Variants in FOXM1 observed in about 807,000 individuals in gnomAD.
FOXM1 encodes forkhead box M1, also known as forkhead box protein M1.
Under a neutral mutation model 63.6 loss-of-function variants are expected in FOXM1, and 25 were observed. The ratio of observed to expected loss-of-function variants is 0.39; its 90% CI spans 0.29 to 0.55. FOXM1 has a LOEUF of 0.55. Among genes scored for constraint, FOXM1 ranks in the 20% least tolerant of loss-of-function variants. FOXM1 has a pLI of 0.60. For missense variants in FOXM1, 879 were observed against 958.7 expected (o/e 0.92, Z 1.10); for synonymous variants, 387 against 376.9 (o/e 1.03, Z -0.31).
chr12:2,862,912 A>C (rs896932964), intron 8 of FOXM1, among the ~76,000 whole-genome samples: 4 of 151,988 alleles, frequency 2.6e-5, no homozygotes, highest in Non-Finnish European at 2.9e-5. Context: ...TGCTATTTTC[A>C]TCTCTCTGAA....
chr12:2,860,128 A>G (rs1014255588), intron 8 of FOXM1, among the ~76,000 whole-genome samples: 4 of 152,226 alleles, frequency 2.6e-5, no homozygotes, highest in Admixed American at 6.5e-5. Flanking sequence ...TTCTTAACCA[A>G]GACTGGAAAC....
At chr12:2,867,398 G>A (rs888155873) in intron 4 of FOXM1, among the ~76,000 whole-genome samples, 1 of 152,128 alleles carries the variant, frequency 6.6e-6, no homozygotes, top group Non-Finnish European at 1.5e-5. Flanking sequence ...CCAGGGGGCT[G>A]AGGCTGCACT....
At position 2,867,121 on chromosome 12, in the gene FOXM1, C is replaced by A. The variant is rs1050568544; in HGVS notation, c.847-600G>T. On this transcript the variant is annotated intron_variant, in intron 4 of 8. Coordinates refer to ENST00000359843, the MANE Select transcript of FOXM1 (RefSeq NM_021953.4). ...TTAGCCAAGATCATGTCACTGCACT[C>A]CAGCCTGGGTGACAGAGTGAGGCCC... is the stretch of plus-strand genomic sequence containing the variant. 5.3e-5 allele frequency among the ~76,000 whole-genome samples: 8 copies of A among 152,000 alleles called. No homozygotes were observed. In the East Asian group the frequency reaches 1.5e-3, roughly 29 times the overall value.
At position 2,859,521 on chromosome 12, in the gene FOXM1, A is replaced by G. The variant is rs1444956489; in HGVS notation, c.1409T>C (p.Met470Thr). The change falls in exon 9 of 9, where the codon ATG becomes ACG. Residue 470 changes from methionine (M) to threonine (T), a missense_variant. Transcript: ENST00000359843. ...KEEEIQPGEE[M>T]PHLARPIKVE... is the part of the protein sequence containing the mutation. ...TTTGATGGGTCTCGCTAAGTGTGGC[A>G]TTTCCTCCCCAGGCTGGATTTCTTC... The G allele has an allele frequency of 2.5e-6, 4 of 1,613,942 alleles. No individual in the cohort carries two copies. The highest frequency in any genetic ancestry group is 1.3e-5 in the African/African-American group (1 of 74,914).
intron 8 of FOXM1, among the ~76,000 whole-genome samples, chr12:2,862,039 C>T (rs768496630): frequency 8.5e-5 from 13 of 152,054 alleles, no homozygotes; most frequent in South Asian, 6.2e-4. Context: ...ATTAGCTGGG[C>T]GTGGTGACGT....
In FOXM1 at chr12:2,858,535, G is replaced by C. The variant is rs71583732; in HGVS notation, c.*103C>G. The C allele has an allele frequency of 3.4e-4, 348 of 1,009,202 alleles. No individual in the cohort carries two copies. The highest frequency in any genetic ancestry group is 4.5e-4 in the Non-Finnish European group (315 of 692,744). 62.5% of individuals were successfully genotyped at this position (1,009,202 alleles called of 1,614,324 possible). A position where few individuals can be genotyped will look rare whatever the true frequency, so the allele number is the denominator to read the frequency against. The stretch of plus-strand genomic sequence containing the variant: ...AGGCAGCAGGGAGCTATGAGGAGCA[G>C]AACAGTCCCTGCCTGCTGTCCTCAC... On this transcript the variant is annotated 3_prime_UTR_variant, in exon 9 of 9. Transcript: ENST00000359843.
intron 5 of FOXM1, among the ~76,000 whole-genome samples, chr12:2,866,042 C>A (rs949576804): frequency 4.6e-5 from 7 of 152,130 alleles, no homozygotes; most frequent in Admixed American, 2.0e-4. Context: ...CTGGGCCCAT[C>A]CCAGAAGCAC....
At chr12:2,868,240 C>T in intron 4 of FOXM1, 1 of 193,030 alleles carries the variant, frequency 5.2e-6, no homozygotes, top group Non-Finnish European at 1.0e-5. Flanking sequence ...TTTTTTTAAT[C>T]AAGACATTTT....
intron 3 of FOXM1, among the ~76,000 whole-genome samples, chr12:2,870,913 G>A (rs926340239): frequency 2.9e-5 from 4 of 136,682 alleles, no homozygotes; most frequent in African/African-American, 5.5e-5. Flanking sequence ...AGCTGAAATC[G>A]CAGCACTGCA....
At chr12:2,866,257 A>G in intron 5 of FOXM1, 136 bp downstream of exon 5, 1 of 809,638 alleles carries the variant, frequency 1.2e-6, no homozygotes, top group Non-Finnish European at 1.8e-6. Flanking sequence ...GGTTTTGTGC[A>G]AGTCACTAAT....
chr12:2,861,485 A>G (rs1046273357), intron 8 of FOXM1: 1 of 472,950 alleles, frequency 2.1e-6, no homozygotes, highest in Non-Finnish European at 3.6e-6. Context: ...ACCTATACAT[A>G]TTAGATTGGC....
chr12:2,875,129 A>T (rs1283328732), intron 1 of FOXM1, among the ~76,000 whole-genome samples: 1 of 150,866 alleles, frequency 6.6e-6, no homozygotes, highest in Non-Finnish European at 1.5e-5. Flanking sequence ...AGTAGCTGGG[A>T]TTACAGGTGC....
At position 2,866,608 on chromosome 12, in the gene FOXM1, C is replaced by T. The variant is rs147930497; in HGVS notation, c.847-87G>A. The T allele has an allele frequency of 1.5e-3, 2,030 of 1,379,668 alleles. 1 individual carries two copies. The highest frequency in any genetic ancestry group is 1.7e-3 in the Non-Finnish European group (1,726 of 1,041,786). The allele number at this position is 1,379,668 out of a possible 1,614,324, so 85.5% of individuals were successfully genotyped here. ...AACACATGGGGAAACCAGCCTCAGG[C>T]CCCTCCCACTGTGCTCAGCACAGGC... On this transcript the variant is annotated intron_variant, in intron 4 of 8. Coordinates refer to ENST00000359843, the MANE Select transcript of FOXM1 (RefSeq NM_021953.4).
chr12:2,864,330 A>C lies in FOXM1; in HGVS notation c.1256T>G (p.Ile419Ser), dbSNP rs1231222576. 1 of 1,612,384 alleles carries C rather than the reference A, an allele frequency of 6.2e-7. No homozygotes were observed. Among genetic ancestry groups the C allele is most frequent in the African/African-American group, 1.3e-5 (1 of 74,908 alleles). The change falls in exon 8 of 9, where the codon ATT becomes AGT. Residue 419 changes from isoleucine to serine, a missense_variant. Ile to Ser is a moderately radical substitution (Grantham distance 142, BLOSUM62 -2). Coordinates refer to ENST00000359843, the MANE Select transcript of FOXM1 (RefSeq NM_021953.4). The surrounding 1 kb of genome is among the most constrained non-coding windows in gnomAD (Gnocchi z 5.1). ...AAATAGGACACCCACCTTGGGGGCAATGCGGACTCGCTTGCTATGGCGGGC... is the reference window on the plus strand; with the variant it reads ...AAATAGGACACCCACCTTGGGGGCACTGCGGACTCGCTTGCTATGGCGGGC... ...ELARHSKRVRIAPKVLLAEEG... is the reference protein window; with the variant it reads ...ELARHSKRVRSAPKVLLAEEG...
At position 2,872,300 on chromosome 12, in the gene FOXM1, G is replaced by A; in HGVS notation, c.503-53C>T. The stretch of plus-strand genomic sequence containing the variant: ...CTTAGCTGCCTCATCAGATGCCCAG[G>A]TGTGTCCATCAGAATTGGTGGCTAG... On this transcript the variant is annotated intron_variant, in intron 2 of 8. Transcript: ENST00000359843. The surrounding 1 kb of genome is among the most constrained non-coding windows in gnomAD (Gnocchi z 4.0). 2 of 1,599,568 alleles carry A rather than the reference G, an allele frequency of 1.3e-6. No homozygotes were observed. Among genetic ancestry groups the A allele is most frequent in the South Asian group, 1.1e-5 (1 of 90,458 alleles).
At chr12:2,862,739 A>G (rs1037650956) in intron 8 of FOXM1, among the ~76,000 whole-genome samples, 5 of 150,782 alleles carry the variant, frequency 3.3e-5, no homozygotes, top group Non-Finnish European at 7.4e-5. Context: ...ACAGGGTCTT[A>G]CTTTGCTGCC....
chr12:2,862,347 C>G (rs1486604918), intron 8 of FOXM1, among the ~76,000 whole-genome samples: 1 of 151,872 alleles, frequency 6.6e-6, no homozygotes, highest in African/African-American at 2.4e-5. Flanking sequence ...AATTATCAAC[C>G]AGTTATCTTG....
In FOXM1 at chr12:2,858,537, A is replaced by G; in HGVS notation, c.*101T>C. 9.8e-7 allele frequency: 1 copy of G among 1,018,956 alleles called. No individual in the cohort carries two copies. Among genetic ancestry groups the G allele is most frequent in the Non-Finnish European group, 1.4e-6 (1 of 700,564 alleles). The allele number at this position is 1,018,956 out of a possible 1,614,324, so 63.1% of individuals were successfully genotyped here. A position where few individuals can be genotyped will look rare whatever the true frequency, so the allele number is the denominator to read the frequency against. Reference sequence around the variant, plus strand: ...GCAGCAGGGAGCTATGAGGAGCAGAACAGTCCCTGCCTGCTGTCCTCACTC... The same window carrying G: ...GCAGCAGGGAGCTATGAGGAGCAGAGCAGTCCCTGCCTGCTGTCCTCACTC... On this transcript the variant is annotated 3_prime_UTR_variant, in exon 9 of 9. Coordinates refer to ENST00000359843, the MANE Select transcript of FOXM1 (RefSeq NM_021953.4).
At chr12:2,873,867 T>G in intron 2 of FOXM1, 110 bp downstream of exon 2, 1 of 1,276,658 alleles carries the variant, frequency 7.8e-7, no homozygotes, top group Non-Finnish European at 1.1e-6. Flanking sequence ...GATGAGCCAC[T>G]GTGCTCGGCC....
Sources: allele counts gnomAD v4.1 joint callset (sites outside exome capture counted in the v4.1 genomes callset), GRCh38; gene constraint gnomAD v4.1.1; non-coding constraint Gnocchi (gnomAD v3.1); transcripts MANE v1.5; gene names NCBI Gene and HGNC (gene_info 2026-07-23, HGNC 2026-07-21).